Variants in NTM observed in about 807,000 individuals in gnomAD.
The protein encoded by NTM is neurotrimin.
Under a neutral mutation model 42.1 loss-of-function variants are expected in NTM, and 13 were observed. The observed-to-expected ratio is 0.31, with a 90% CI of 0.20 to 0.49. NTM has a LOEUF of 0.49. Ranked by LOEUF, NTM falls within the 20% of genes least tolerant of loss-of-function variation. The probability of loss-of-function intolerance (pLI) is 0.99; values close to 1 mark genes in which losing one functional copy is unlikely to be tolerated. For synonymous variants in NTM, 187 were observed against 179.2 expected, an observed-to-expected ratio of 1.04 and a Z score of -0.35; for missense variants, 373 against 452.8, an observed-to-expected ratio of 0.82 and a Z score of 1.60.
At chr11:131,399,190 G>A (rs1258036091) in intron 1 of NTM, among the ~76,000 whole-genome samples, 1 of 152,182 alleles carries the variant, frequency 6.6e-6, no homozygotes, top group Non-Finnish European at 1.5e-5. Context: ...AGCATCCTTA[G>A]TTTGCTGCCA....
intron 2 of NTM, among the ~76,000 whole-genome samples, chr11:132,090,852 G>T (rs994162161): frequency 6.6e-6 from 1 of 152,152 alleles, no homozygotes; most frequent in Non-Finnish European, 1.5e-5. Context: ...ACTTGCTGCT[G>T]TTGGGGAAAA....
In NTM at chr11:131,867,175, C is replaced by T. The variant is rs375344710; in HGVS notation, c.83-44389C>T. Among the ~76,000 whole-genome samples, 35 of 152,356 alleles carry T rather than the reference C, an allele frequency of 2.3e-4. 1 individual carries two copies. In the East Asian group the frequency reaches 2.3e-3, roughly 10 times the overall value. Reference sequence around the variant, plus strand: ...TGCAGTCCTACCCATCTGCTATTTACGCTTTGTGCAGGGCTCGGGAAAGAA... The same window carrying T: ...TGCAGTCCTACCCATCTGCTATTTATGCTTTGTGCAGGGCTCGGGAAAGAA... On this transcript the variant is annotated intron_variant, in intron 1 of 8. Coordinates refer to ENST00000683400, the MANE Select transcript of NTM (RefSeq NM_001352005.2).
At chr11:131,949,534 A>G (rs374789590) in intron 2 of NTM, among the ~76,000 whole-genome samples, 14 of 152,292 alleles carry the variant, frequency 9.2e-5, no homozygotes, top group African/African-American at 3.1e-4. Flanking sequence ...GGCGTTGCAC[A>G]AAGAGAAACT....
At chr11:131,523,782 CAAAAAAAAAAA>C (rs3040114) in intron 1 of NTM, among the ~76,000 whole-genome samples, 1 of 72,194 alleles carries the variant, frequency 1.4e-5, no homozygotes, top group South Asian at 5.5e-4. Context: ...GACTCCATCT[CAAAAAAAAAAA>C]AAAAAAAAAA....
intron 1 of NTM, among the ~76,000 whole-genome samples, chr11:131,677,836 A>G (rs59060787): frequency 0.03 from 4,580 of 151,800 alleles, 228 homozygotes; most frequent in African/African-American, 0.1. Flanking sequence ...TGTCCCCTCC[A>G]CTCCTCCTAT....
intron 4 of NTM, among the ~76,000 whole-genome samples, chr11:132,258,030 C>A (rs890651526): frequency 3.3e-5 from 5 of 152,246 alleles, no homozygotes; most frequent in Non-Finnish European, 7.3e-5. Flanking sequence ...ACATGGACAG[C>A]TGCTGGGGCA....
chr11:131,621,849 C>T (rs1487656594), intron 1 of NTM, among the ~76,000 whole-genome samples: 1 of 145,868 alleles, frequency 6.9e-6, no homozygotes, highest in Non-Finnish European at 1.5e-5. Flanking sequence ...AAAAAGGAAG[C>T]TACAGACAAG....
chr11:132,303,619 T>C (rs907266970), intron 4 of NTM, among the ~76,000 whole-genome samples: 4 of 151,328 alleles, frequency 2.6e-5, no homozygotes, highest in African/African-American at 4.9e-5. Flanking sequence ...GAGGACACAA[T>C]TGAACCCATA....
intron 2 of NTM, among the ~76,000 whole-genome samples, chr11:132,110,018 A>G (rs1250428816): frequency 6.6e-6 from 1 of 152,226 alleles, no homozygotes; most frequent in Non-Finnish European, 1.5e-5. Flanking sequence ...CTCAAAATGG[A>G]CTTCCTTAAA....
chr11:131,785,428 C>T (rs760830098), intron 1 of NTM, among the ~76,000 whole-genome samples: 1 of 152,126 alleles, frequency 6.6e-6, no homozygotes, highest in Non-Finnish European at 1.5e-5. Flanking sequence ...TCTAAATGTC[C>T]GAGAAAGCTA....
At chr11:132,100,316 A>T (rs1023793004) in intron 2 of NTM, among the ~76,000 whole-genome samples, 2 of 152,084 alleles carry the variant, frequency 1.3e-5, no homozygotes, top group Non-Finnish European at 2.9e-5. Flanking sequence ...TATGCACTGG[A>T]TGTTGTTTTC....
At chr11:131,505,701 C>T (rs1039253425) in intron 1 of NTM, among the ~76,000 whole-genome samples, 6 of 152,126 alleles carry the variant, frequency 3.9e-5, no homozygotes, top group Non-Finnish European at 5.9e-5. Flanking sequence ...CTCACACCCA[C>T]GGAAAGGACA....
intron 1 of NTM, among the ~76,000 whole-genome samples, chr11:131,737,382 G>A (rs1040077178): frequency 7.9e-5 from 12 of 152,312 alleles, no homozygotes; most frequent in African/African-American, 2.6e-4. Flanking sequence ...CAGAGATCAA[G>A]AAGAACCTTT....
Position 132,176,722 on chromosome 11 carries a change from G to GTTTTTTTT in NTM, c.400+30225_400+30232dup, listed in dbSNP as rs148699196. Among the ~76,000 whole-genome samples the GTTTTTTTT allele has an allele frequency of 2.7e-3, 219 of 82,008 alleles. 28 individuals carry two copies. The highest frequency in any genetic ancestry group is 5.5e-3 in the South Asian group (10 of 1,832). The allele number at this position is 82,008 out of a possible 152,430, so 53.8% of individuals were successfully genotyped here. On this transcript the variant is annotated intron_variant, in intron 3 of 8. Transcript: ENST00000683400. Reference sequence around the variant, plus strand: ...TCCTAGTTGAGTATACATGCCTAAAGTTTTTTTTTTTTTTTTTTTTTTTTA... The same window carrying GTTTTTTTT: ...TCCTAGTTGAGTATACATGCCTAAAGTTTTTTTTTTTTTTTTTTTTTTTTTTTTTTTTA...
Position 132,282,509 on chromosome 11 carries a change from T to C in NTM, c.527-25180T>C, listed in dbSNP as rs530139794. Among the ~76,000 whole-genome samples, 78 of 152,334 alleles carry C rather than the reference T, an allele frequency of 5.1e-4. No homozygotes were observed. The South Asian group carries it at 0.013, about 26-fold the overall frequency. ...CCTCCTCAAATAGCAGATTTTTGTC[T>C]ACAACAACTCTGAACAGAAATACGC... On this transcript the variant is annotated intron_variant, in intron 4 of 8. Transcript: ENST00000683400.
At chr11:131,645,690 A>C (rs1194066508) in intron 1 of NTM, among the ~76,000 whole-genome samples, 1 of 152,176 alleles carries the variant, frequency 6.6e-6, no homozygotes, top group African/African-American at 2.4e-5. Context: ...ATCTTTTAAA[A>C]TATGTGTGTA....
rs114072796 is a variant in NTM at position 131,532,333 on chromosome 11, A to G, written c.82+161445A>G. Among the ~76,000 whole-genome samples the G allele has an allele frequency of 3.4e-3, 519 of 152,300 alleles. 3 individuals are homozygous for G. Among genetic ancestry groups the G allele is most frequent in the African/African-American group, 0.012 (502 of 41,562 alleles). On this transcript the variant is annotated intron_variant, in intron 1 of 8. Coordinates refer to ENST00000683400, the MANE Select transcript of NTM (RefSeq NM_001352005.2). ...GTGAAATCATTCATTCGTCATTTTT[A>G]GCTGGCTTGTTTCATTTAGCGTAAG...
intron 3 of NTM, among the ~76,000 whole-genome samples, chr11:132,198,829 A>T (rs1232485222): frequency 6.6e-6 from 1 of 152,234 alleles, no homozygotes; most frequent in Non-Finnish European, 1.5e-5. Context: ...TTTAAAATTT[A>T]TTCTGTGGGT....
chr11:131,976,095 C>T (rs1334715570), intron 2 of NTM, among the ~76,000 whole-genome samples: 1 of 150,766 alleles, frequency 6.6e-6, no homozygotes, highest in East Asian at 2.0e-4. Flanking sequence ...TTCCTTCCCT[C>T]CTTCCCTCCC....
Sources: gnomAD v4.1 joint callset for allele counts (sites outside exome capture counted in the v4.1 genomes callset) on GRCh38, gnomAD v4.1.1 for gene constraint, MANE v1.5 for transcripts, NCBI Gene and HGNC (gene_info 2026-07-23, HGNC 2026-07-21) for gene names.